SIN3A: variants seen among roughly 807,000 people sequenced by gnomAD.
SIN3A encodes the protein SIN3 transcription regulator family member A.
SIN3A carries 14 observed loss-of-function variants against 146.1 expected under a neutral mutation model. The ratio of observed to expected loss-of-function variants is 0.10; its 90% confidence interval spans 0.06 to 0.15. The LOEUF (loss-of-function observed/expected upper bound fraction) is 0.15, where lower values mean the gene tolerates loss of function less well. SIN3A is among the 10% of genes least tolerant of loss of function. The pLI, the probability that SIN3A is intolerant of heterozygous loss-of-function variation, is 1.00. For synonymous variants in SIN3A, 572 were observed against 572.0 expected (o/e 1.00, Z 0.00); for missense variants, 1,028 against 1,576.0 (o/e 0.65, Z 5.89).
chr15:75,393,177 C>T (rs988607602), intron 14 of SIN3A, among the ~76,000 whole-genome samples: 1 of 152,102 alleles, frequency 6.6e-6, no homozygotes, highest in Non-Finnish European at 1.5e-5. Flanking sequence ...TGCAGTGAGC[C>T]GAGATCGTAC....
chr15:75,376,686 C>G (rs2072862328), intron 19 of SIN3A, among the ~76,000 whole-genome samples: 1 of 128,226 alleles, frequency 7.8e-6, no homozygotes, highest in Non-Finnish European at 1.6e-5. Context: ...GCAAAAACCC[C>G]TTCTCTACAA....
chr15:75,372,873 T>A (rs1283796781), intron 20 of SIN3A, among the ~76,000 whole-genome samples: 1 of 151,362 alleles, frequency 6.6e-6, no homozygotes, highest in Non-Finnish European at 1.5e-5. Context: ...TTTCCTTGGT[T>A]TACCAATGTG....
chr15:75,434,658 A>T (rs888754124), intron 1 of SIN3A, among the ~76,000 whole-genome samples: 10 of 150,546 alleles, frequency 6.6e-5, no homozygotes, highest in South Asian at 2.1e-4. Context: ...AAAAAAAAAA[A>T]AAATAAAAGG....
intron 1 of SIN3A, among the ~76,000 whole-genome samples, chr15:75,438,224 G>C (rs1193694454): frequency 6.6e-6 from 1 of 152,126 alleles, no homozygotes. Flanking sequence ...AATTAGCCGG[G>C]TGTGGTTGTG....
chr15:75,441,497 T>C lies in SIN3A; in HGVS notation c.-34+9926A>G, dbSNP rs546989124. ...TTTTTAGAGACAGGGTCTCCCTACA[T>C]TGCACAGGCCGGTCTTGAACTCCTG... is the stretch of plus-strand genomic sequence containing the variant. On this transcript the variant is annotated intron_variant, in intron 1 of 20. Transcript: ENST00000394947. 2.8e-3 allele frequency among the ~76,000 whole-genome samples: 425 copies of C among 152,160 alleles called. 3 individuals carry two copies. Among genetic ancestry groups the C allele is most frequent in the African/African-American group, 9.3e-3 (387 of 41,514 alleles).
chr15:75,453,254 A>T (rs945558518), upstream of SIN3A: 1 of 152,488 alleles, frequency 6.6e-6, no homozygotes, highest in African/African-American at 2.4e-5. Context: ...CGAGCCGCGA[A>T]ACCACAGCAG....
In SIN3A at chr15:75,450,180, TA is replaced by T. The variant is rs374894508; in HGVS notation, c.-34+1242del. On this transcript the variant is annotated intron_variant, in intron 1 of 20. Transcript: ENST00000394947. Reference sequence around the variant, plus strand: ...GTATTTTATTCAAAGTCTGAGTTCTTAAAAAAAAAAAACAAACCCTACTTTA... The same window carrying T: ...GTATTTTATTCAAAGTCTGAGTTCTTAAAAAAAAAAACAAACCCTACTTTA... Among the ~76,000 whole-genome samples, 306 of 143,358 alleles carry T rather than the reference TA, an allele frequency of 2.1e-3. 1 individual carries two copies. The highest frequency in any genetic ancestry group is 5.8e-3 in the African/African-American group (226 of 39,132). The allele number at this position is 143,358 out of a possible 152,430, so 94.0% of individuals were successfully genotyped here.
intron 19 of SIN3A, among the ~76,000 whole-genome samples, chr15:75,379,332 G>C (rs1033823641): frequency 1.3e-5 from 2 of 151,990 alleles, no homozygotes; most frequent in African/African-American, 4.8e-5. Context: ...GAGTGTAAGG[G>C]GTCTCAAGGC....
chr15:75,450,339 A>AC (rs978477428), intron 1 of SIN3A, among the ~76,000 whole-genome samples: 5 of 152,174 alleles, frequency 3.3e-5, no homozygotes, highest in African/African-American at 1.2e-4. Flanking sequence ...ACCGAAACAG[A>AC]CGCCAAGTCT....
intron 1 of SIN3A, among the ~76,000 whole-genome samples, chr15:75,433,026 G>A (rs1201355726): frequency 1.3e-5 from 2 of 152,088 alleles, no homozygotes; most frequent in African/African-American, 2.4e-5. Flanking sequence ...GGGGGACAGC[G>A]CGACTGTCTC....
Position 75,392,678 on chromosome 15 carries a change from C to T in SIN3A, c.2415G>A (p.Gln805=). The change falls in exon 15 of 21, where the codon CAG becomes CAA. Residue 805 remains glutamine (Q), a synonymous_variant. Transcript: ENST00000394947. The part of the protein sequence containing the change: ...IHHVKRQTGI[Q]KEDKYKIKQI... ...GTTTTATCTTATATTTGTCCTCCTT[C>T]TGAATGCCTGTCTGCCTCTTCACAT... 6.2e-7 allele frequency: 1 copy of T among 1,614,232 alleles called. No individual in the cohort carries two copies. The highest frequency in any genetic ancestry group is 8.5e-7 in the Non-Finnish European group (1 of 1,180,040).
intron 1 of SIN3A, among the ~76,000 whole-genome samples, chr15:75,435,890 T>C (rs1376791913): frequency 6.6e-6 from 1 of 152,016 alleles, no homozygotes; most frequent in Non-Finnish European, 1.5e-5. Flanking sequence ...TTTGGGAAGC[T>C]GAGGCTCAAG....
intron 1 of SIN3A, among the ~76,000 whole-genome samples, chr15:75,444,333 C>T (rs1049697628): frequency 3.9e-5 from 6 of 151,966 alleles, no homozygotes; most frequent in Admixed American, 6.6e-5. Context: ...CCCAGCTACT[C>T]GGGAGGTTGA....
At chr15:75,434,941 T>C (rs1156869463) in intron 1 of SIN3A, among the ~76,000 whole-genome samples, 24 of 143,066 alleles carry the variant, frequency 1.7e-4, no homozygotes, top group African/African-American at 6.0e-4. Flanking sequence ...AGAGCAAAAC[T>C]CCGCCTCAAG....
chr15:75,382,503 T>TTTATAA (rs1231580839), intron 17 of SIN3A, among the ~76,000 whole-genome samples: 1 of 152,222 alleles, frequency 6.6e-6, no homozygotes, highest in African/African-American at 2.4e-5. Flanking sequence ...ACTATTTGCT[T>TTTATAA]TTATAATTAT....
chr15:75,385,419 T>C (rs2073059167), intron 16 of SIN3A, among the ~76,000 whole-genome samples: 1 of 152,206 alleles, frequency 6.6e-6, no homozygotes, highest in Non-Finnish European at 1.5e-5. Context: ...TAACTCACTT[T>C]CCATACAGGC....
chr15:75,429,787 C>T (rs958872653), intron 2 of SIN3A, among the ~76,000 whole-genome samples: 4 of 152,110 alleles, frequency 2.6e-5, no homozygotes, highest in African/African-American at 7.2e-5. Flanking sequence ...GGTGGAATTA[C>T]AGCGATCTAT....
chr15:75,411,460 TG>T, intron 6 of SIN3A, 31 bp downstream of exon 6: 1 of 1,586,450 alleles, frequency 6.3e-7, no homozygotes, highest in South Asian at 1.2e-5. Flanking sequence ...GAGGGTGACC[TG>T]GTTAAGACAG....
intron 1 of SIN3A, among the ~76,000 whole-genome samples, chr15:75,432,924 C>G (rs1384074227): frequency 1.3e-5 from 2 of 151,916 alleles, no homozygotes; most frequent in African/African-American, 4.8e-5. Flanking sequence ...CATCTGTAAT[C>G]CCAGCTACTT....
Sources: allele counts gnomAD v4.1 joint callset (sites outside exome capture counted in the v4.1 genomes callset), GRCh38; gene constraint gnomAD v4.1.1; transcripts MANE v1.5; gene names NCBI Gene and HGNC (gene_info 2026-07-23, HGNC 2026-07-21).